CTIF: variants seen among roughly 807,000 people sequenced by gnomAD.
CTIF encodes the protein CBP80/20-dependent translation initiation factor.
CTIF carries 21 observed loss-of-function variants against 66.0 expected under a neutral mutation model. The ratio of observed to expected loss-of-function variants is 0.32; its 90% CI spans 0.23 to 0.46. CTIF has a LOEUF of 0.46. CTIF is among the 20% of genes least tolerant of loss of function. The pLI, the probability that CTIF is intolerant of heterozygous loss-of-function variation, is 1.00. For synonymous variants in CTIF, 345 were observed against 326.4 expected, an observed-to-expected ratio of 1.06 and a Z score of -0.62; for missense variants, 739 against 812.7, an observed-to-expected ratio of 0.91 and a Z score of 1.10.
At chr18:48,661,103 G>C (rs2091336490) in intron 3 of CTIF, among the ~76,000 whole-genome samples, 1 of 152,230 alleles carries the variant, frequency 6.6e-6, no homozygotes, top group East Asian at 1.9e-4. Flanking sequence ...CTGTGTGCCT[G>C]GCTTGGCCAC....
At chr18:48,681,772 TTTTGTTTGTTTG>T (rs543174265) in intron 6 of CTIF, among the ~76,000 whole-genome samples, 2 of 149,376 alleles carry the variant, frequency 1.3e-5, no homozygotes, top group African/African-American at 2.5e-5. Context: ...CACACCTGGT[TTTTGTTTGTTTG>T]TTTGTTTGTT....
intron 3 of CTIF, among the ~76,000 whole-genome samples, chr18:48,661,115 G>C (rs2091336834): frequency 6.6e-6 from 1 of 152,242 alleles, no homozygotes; most frequent in Non-Finnish European, 1.5e-5. Flanking sequence ...CTTGGCCACT[G>C]TGGGGGCACA....
At chr18:48,691,802 T>G (rs1239478096) in intron 6 of CTIF, among the ~76,000 whole-genome samples, 1 of 152,170 alleles carries the variant, frequency 6.6e-6, no homozygotes, top group African/African-American at 2.4e-5. Context: ...GTTTCTTCAC[T>G]CCCTCATCTA....
chr18:48,719,046 T>C (rs1239030348), intron 7 of CTIF, among the ~76,000 whole-genome samples: 1 of 152,214 alleles, frequency 6.6e-6, no homozygotes, highest in Non-Finnish European at 1.5e-5. Context: ...TGCCACCTCT[T>C]AATTCTACGC....
At chr18:48,682,443 C>T (rs901673054) in intron 6 of CTIF, among the ~76,000 whole-genome samples, 7 of 152,202 alleles carry the variant, frequency 4.6e-5, no homozygotes, top group Non-Finnish European at 1.5e-5. Context: ...GAACCAGAAA[C>T]TCTGGGAGAG....
intron 9 of CTIF, among the ~76,000 whole-genome samples, chr18:48,794,164 C>T (rs1369844471): frequency 1.3e-5 from 2 of 152,218 alleles, no homozygotes; most frequent in African/African-American, 4.8e-5. Flanking sequence ...ATTCTAGCCC[C>T]CAGCTTGGTT....
chr18:48,716,230 C>T (rs2092280825), intron 7 of CTIF, among the ~76,000 whole-genome samples: 1 of 152,192 alleles, frequency 6.6e-6, no homozygotes, highest in Non-Finnish European at 1.5e-5. Context: ...CCCCTGCTCT[C>T]GAGGGCCTGA....
rs140476989 is a variant in CTIF, at chr18:48,784,184, G to T, written c.1371+22495G>T. ...GACCAGCATGCTAGGTGCTGTCATC[G>T]CGGCACACCCAGACGGCCCCGAGCA... On this transcript the variant is annotated intron_variant, in intron 9 of 11. Transcript: ENST00000256413. 4.6e-3 allele frequency among the ~76,000 whole-genome samples: 696 copies of T among 152,326 alleles called. 7 individuals carry two copies. Among genetic ancestry groups the T allele is most frequent in the Middle Eastern group, 0.02 (6 of 294 alleles).
chr18:48,706,698 T>C (rs2092159546), intron 6 of CTIF, among the ~76,000 whole-genome samples: 1 of 152,100 alleles, frequency 6.6e-6, no homozygotes, highest in Admixed American at 6.5e-5. Context: ...TTACATAACA[T>C]GTTTTTGCAA....
intron 10 of CTIF, among the ~76,000 whole-genome samples, chr18:48,852,226 C>T (rs1599167106): frequency 1.1e-5 from 1 of 90,704 alleles, no homozygotes; most frequent in Non-Finnish European, 2.3e-5. Flanking sequence ...AGAGTGAGAC[C>T]CTGTCTTAAA....
At chr18:48,705,267 C>A (rs1354183572) in intron 6 of CTIF, among the ~76,000 whole-genome samples, 1 of 152,170 alleles carries the variant, frequency 6.6e-6, no homozygotes, top group Non-Finnish European at 1.5e-5. Context: ...TTCTTCCCAG[C>A]TTCCCGTGGC....
chr18:48,695,522 C>G (rs570085538), intron 6 of CTIF, among the ~76,000 whole-genome samples: 2 of 152,330 alleles, frequency 1.3e-5, no homozygotes, highest in Admixed American at 1.3e-4. Context: ...TGTTAGAGAA[C>G]TGAGGTGCCA....
chr18:48,826,322 A>G (rs909578047), intron 10 of CTIF: 1 of 152,220 alleles, frequency 6.6e-6, no homozygotes, highest in Non-Finnish European at 1.5e-5. Flanking sequence ...AGTGAGGTCC[A>G]TTCTCCCAAC....
intron 9 of CTIF, among the ~76,000 whole-genome samples, chr18:48,776,313 C>G (rs1053842876): frequency 5.3e-5 from 8 of 152,216 alleles, no homozygotes; most frequent in Non-Finnish European, 1.2e-4. Flanking sequence ...TGGAGATGGG[C>G]GCCCACCGCC....
intron 1 of CTIF, among the ~76,000 whole-genome samples, chr18:48,586,177 C>T (rs2089762743): frequency 6.6e-6 from 1 of 152,042 alleles, no homozygotes; most frequent in Non-Finnish European, 1.5e-5. Context: ...GCCAAATTGC[C>T]CAGCAGAAGA....
At chr18:48,851,377 C>A (rs1008222444) in intron 10 of CTIF, among the ~76,000 whole-genome samples, 1 of 152,186 alleles carries the variant, frequency 6.6e-6, no homozygotes, top group African/African-American at 2.4e-5. Flanking sequence ...GCAGAAGAGA[C>A]GAGGAGGAGA....
At chr18:48,832,473 G>A (rs556037358) in intron 10 of CTIF, among the ~76,000 whole-genome samples, 38 of 152,286 alleles carry the variant, frequency 2.5e-4, no homozygotes, top group African/African-American at 8.9e-4. Context: ...GAAACACATA[G>A]AAAGGGAAGA....
chr18:48,834,188 C>A (rs2068758499), intron 10 of CTIF, among the ~76,000 whole-genome samples: 1 of 152,142 alleles, frequency 6.6e-6, no homozygotes, highest in South Asian at 2.1e-4. Flanking sequence ...AGGTGTAGGG[C>A]GTGAGCAGCA....
At chr18:48,655,176 G>T (rs2091225083) in intron 3 of CTIF, among the ~76,000 whole-genome samples, 1 of 151,476 alleles carries the variant, frequency 6.6e-6, no homozygotes, top group South Asian at 2.1e-4. Flanking sequence ...ATGGTGGCTT[G>T]CACCTGTAGT....
Sources: gnomAD v4.1 joint callset for allele counts (sites outside exome capture counted in the v4.1 genomes callset) on GRCh38, gnomAD v4.1.1 for gene constraint, MANE v1.5 for transcripts, NCBI Gene and HGNC (gene_info 2026-07-23, HGNC 2026-07-21) for gene names.